DNM3: variants seen among roughly 807,000 people sequenced by gnomAD.
The protein encoded by DNM3 is dynamin 3, also known as dynamin-3.
In DNM3, 47 loss-of-function variants were observed where a neutral mutation model predicts 101.6. That is an observed-to-expected ratio of 0.46 (90% CI 0.37 to 0.59). The LOEUF is 0.59. Ranked by LOEUF, DNM3 falls within the 20% of genes least tolerant of loss-of-function variation. DNM3 has a pLI of 0.00. For synonymous variants in DNM3, 385 were observed against 387.9 expected (o/e 0.99, Z 0.09); for missense variants, 849 against 1,085.7 (o/e 0.78, Z 3.06).
intron 1 of DNM3, among the ~76,000 whole-genome samples, chr1:171,919,789 C>G (rs1558265574): frequency 6.6e-6 from 1 of 152,068 alleles, no homozygotes. Flanking sequence ...ATTGTTCTTT[C>G]TCTTTTCTGA....
Position 171,944,497 on chromosome 1 carries a change from T to G in DNM3, c.235+22676T>G, listed in dbSNP as rs146709119. The stretch of plus-strand genomic sequence containing the variant: ...CTCAAGCTATCCTCCCACTACCCGC[T>G]GCAGTGGCTGGGACCACAAGCGTGT... On this transcript the variant is annotated intron_variant, in intron 2 of 20. Coordinates refer to ENST00000627582, the MANE Select transcript of DNM3 (RefSeq NM_015569.5). Among the ~76,000 whole-genome samples, 969 of 151,966 alleles carry G rather than the reference T, an allele frequency of 6.4e-3. 11 individuals carry two copies. Among genetic ancestry groups the G allele is most frequent in the African/African-American group, 0.022 (906 of 41,458 alleles).
chr1:172,063,384 C>G (rs1027194087), intron 10 of DNM3, among the ~76,000 whole-genome samples: 2 of 147,608 alleles, frequency 1.4e-5, no homozygotes, highest in Admixed American at 6.7e-5. Flanking sequence ...TTTTTTTTCT[C>G]TAGGAAAATG....
At chr1:171,956,488 C>A (rs1286462405) in intron 2 of DNM3, among the ~76,000 whole-genome samples, 1 of 152,188 alleles carries the variant, frequency 6.6e-6, no homozygotes, top group Non-Finnish European at 1.5e-5. Flanking sequence ...CCTTGGGTAG[C>A]TCTGCCCCTG....
chr1:172,247,876 G>T (rs1013079486), intron 14 of DNM3, among the ~76,000 whole-genome samples: 1 of 151,768 alleles, frequency 6.6e-6, no homozygotes, highest in Admixed American at 6.6e-5. Flanking sequence ...GTAGAAACAG[G>T]GTTTCACCAT....
intron 14 of DNM3, among the ~76,000 whole-genome samples, chr1:172,180,080 T>C (rs2059290652): frequency 6.6e-6 from 1 of 152,064 alleles, no homozygotes; most frequent in South Asian, 2.1e-4. Flanking sequence ...ACCTGGCTGC[T>C]CTTGTATAGT....
chr1:171,898,863 G>C (rs1358786476), intron 1 of DNM3, among the ~76,000 whole-genome samples: 1 of 151,808 alleles, frequency 6.6e-6, no homozygotes, highest in African/African-American at 2.4e-5. Context: ...TCTCTTTTTG[G>C]ATGTTTATAT....
Position 171,989,148 on chromosome 1 carries a change from G to A in DNM3, c.589G>A (p.Gly197Ser). 2 of 1,612,242 alleles carry A rather than the reference G, an allele frequency of 1.2e-6. No homozygotes were observed. Among genetic ancestry groups the A allele is most frequent in the South Asian group, 1.1e-5 (1 of 90,728 alleles). The change falls in exon 4 of 21, where the codon GGT becomes AGT. Residue 197 changes from glycine to serine, a missense_variant and splice_region_variant. Transcript: ENST00000627582. The stretch of plus-strand genomic sequence containing the variant: ...GCTAGCTAAAGAAGTTGATCCTCAA[G>A]GTGAGTGTGTGACTACTAAGATGAG... ...LKLAKEVDPQGLRTIGVITKL... is the reference protein window; with the variant it reads ...LKLAKEVDPQSLRTIGVITKL...
At chr1:172,136,832 C>T (rs1261269591) in intron 14 of DNM3, 1 of 151,968 alleles carries the variant, frequency 6.6e-6, no homozygotes, top group African/African-American at 2.4e-5. Flanking sequence ...TTTATATTAC[C>T]CTTTCCCAGA....
chr1:172,033,833 C>T (rs1308738498), intron 6 of DNM3, among the ~76,000 whole-genome samples: 1 of 152,108 alleles, frequency 6.6e-6, no homozygotes, highest in Non-Finnish European at 1.5e-5. Flanking sequence ...GCTCCATGCA[C>T]TATGCACACA....
At chr1:171,915,923 G>A (rs2039674987) in intron 1 of DNM3, among the ~76,000 whole-genome samples, 1 of 152,134 alleles carries the variant, frequency 6.6e-6, no homozygotes, top group Non-Finnish European at 1.5e-5. Context: ...TTAATCACTT[G>A]TTTCCACTCC....
chr1:172,311,916 C>T (rs1278140835), intron 16 of DNM3, among the ~76,000 whole-genome samples: 3 of 152,090 alleles, frequency 2.0e-5, no homozygotes, highest in East Asian at 1.9e-4. Context: ...TAGCAGTGTG[C>T]GATGATATTG....
chr1:171,958,695 C>A (rs2043019310), intron 2 of DNM3, among the ~76,000 whole-genome samples: 1 of 152,112 alleles, frequency 6.6e-6, no homozygotes, highest in African/African-American at 2.4e-5. Context: ...GTGGAGTAAG[C>A]TGTCCAGATG....
intron 14 of DNM3, among the ~76,000 whole-genome samples, chr1:172,155,091 A>G (rs1222667276): frequency 6.6e-6 from 1 of 152,108 alleles, no homozygotes; most frequent in Non-Finnish European, 1.5e-5. Flanking sequence ...TACAGTTTAA[A>G]TATGTTATGA....
intron 14 of DNM3, chr1:172,131,827 A>C (rs1198713151): frequency 1.5e-5 from 6 of 390,326 alleles, no homozygotes; most frequent in African/African-American, 4.3e-5. Context: ...TCTATGTAAA[A>C]GCATGAATTA....
At chr1:172,348,415 G>A (rs1163262663) in intron 17 of DNM3, among the ~76,000 whole-genome samples, 1 of 152,132 alleles carries the variant, frequency 6.6e-6, no homozygotes, top group Non-Finnish European at 1.5e-5. Context: ...AGAAAGCTAG[G>A]TCACCTACAA....
intron 4 of DNM3, among the ~76,000 whole-genome samples, chr1:172,019,010 C>CCCCTCCCTTCCTCCCTCCCTTCCT (rs199533411): frequency 5.3e-4 from 72 of 136,386 alleles, no homozygotes; most frequent in African/African-American, 1.6e-3. Context: ...CTTCCTTCGC[C>CCCCTCCCTTCCTCCCTCCCTTCCT]CCCTCCCTTC....
chr1:172,070,127 A>T (rs2052039845), intron 11 of DNM3, among the ~76,000 whole-genome samples: 1 of 152,148 alleles, frequency 6.6e-6, no homozygotes, highest in Non-Finnish European at 1.5e-5. Flanking sequence ...TTTGAAAGTT[A>T]ATTAATCACC....
intron 13 of DNM3, among the ~76,000 whole-genome samples, chr1:172,100,806 C>G (rs1282346272): frequency 2.0e-5 from 3 of 152,004 alleles, no homozygotes; most frequent in Admixed American, 2.0e-4. Context: ...TATTTTTGTT[C>G]TGCTCTTTTG....
intron 14 of DNM3, among the ~76,000 whole-genome samples, chr1:172,232,927 G>T (rs1267281041): frequency 6.6e-6 from 1 of 152,120 alleles, no homozygotes; most frequent in Non-Finnish European, 1.5e-5. Flanking sequence ...ATGCCCACAA[G>T]AGAAAGCAGG....
Sources: allele counts gnomAD v4.1 joint callset (sites outside exome capture counted in the v4.1 genomes callset), GRCh38; gene constraint gnomAD v4.1.1; transcripts MANE v1.5; gene names NCBI Gene and HGNC (gene_info 2026-07-23, HGNC 2026-07-21).